PLB1: variants seen among roughly 807,000 people sequenced by gnomAD.
PLB1 encodes the protein phospholipase B1.
PLB1 carries 242 observed loss-of-function variants against 227.4 expected under a neutral mutation model. The ratio of observed to expected loss-of-function variants is 1.06; its 90% confidence interval spans 0.96 to 1.18. The LOEUF (loss-of-function observed/expected upper bound fraction) is 1.18. Among genes scored for constraint, PLB1 ranks in the 50% most tolerant of loss-of-function variants. PLB1 has a pLI of 0.00. For synonymous variants in PLB1, 757 were observed against 682.2 expected (o/e 1.11, Z -1.71); for missense variants, 1,858 against 1,816.3 (o/e 1.02, Z -0.42).
At chr2:28,635,924 T>C (rs1271795204) in intron 56 of PLB1, among the ~76,000 whole-genome samples, 1 of 152,242 alleles carries the variant, frequency 6.6e-6, no homozygotes, top group Non-Finnish European at 1.5e-5. Context: ...TCTTCAGACT[T>C]AGAGCTCTTA....
intron 11 of PLB1, among the ~76,000 whole-genome samples, chr2:28,540,132 T>A (rs569031933): frequency 1.1e-4 from 15 of 133,294 alleles, no homozygotes; most frequent in African/African-American, 3.6e-4. Context: ...CGTCCCTCCA[T>A]CCAATACCCA....
At chr2:28,626,536 C>T in intron 51 of PLB1, 28 bp downstream of exon 51, 1 of 1,597,214 alleles carries the variant, frequency 6.3e-7, no homozygotes, top group African/African-American at 1.3e-5. Context: ...CCCATGGGGA[C>T]CTGAGAAGGA....
intron 1 of PLB1, among the ~76,000 whole-genome samples, chr2:28,509,769 GA>G (rs1220927678): frequency 6.6e-6 from 1 of 152,194 alleles, no homozygotes; most frequent in Non-Finnish European, 1.5e-5. Flanking sequence ...TTCAAAAGGG[GA>G]GAGTTCCCTT....
chr2:28,587,751 G>A (rs1477845202), intron 26 of PLB1, among the ~76,000 whole-genome samples: 2 of 152,212 alleles, frequency 1.3e-5, no homozygotes, highest in African/African-American at 4.8e-5. Flanking sequence ...CACAGGCAAT[G>A]ATTGCTGAAG....
chr2:28,529,480 G>A, intron 7 of PLB1, 73 bp downstream of exon 7: 1 of 1,310,544 alleles, frequency 7.6e-7, no homozygotes. Context: ...GGGAGGATTT[G>A]GGGGGCTGGC....
Position 28,532,131 on chromosome 2 carries a change from G to C in PLB1, c.492G>C (p.Trp164Cys), listed in dbSNP as rs143216255. The C allele has an allele frequency of 9.3e-5, 150 of 1,612,020 alleles. No homozygotes were observed. Among genetic ancestry groups the C allele is most frequent in the Non-Finnish European group, 1.2e-4 (147 of 1,179,332 alleles). Reference protein sequence around the residue: ...ENLQLDFQFDWKLINVFFSNA... With the variant: ...ENLQLDFQFDCKLINVFFSNA... ...AGCAACTTGACTTTCAATTTGACTG[G>C]AAGCTCATCAATGTGTTCTTCAGTA... Residue 164 changes from tryptophan (W) to cysteine (C), a missense_variant, in exon 9 of 58, where the codon TGG becomes TGC. Coordinates refer to ENST00000327757, the MANE Select transcript of PLB1 (RefSeq NM_153021.5).
intron 23 of PLB1, among the ~76,000 whole-genome samples, chr2:28,581,513 A>G (rs1679995130): frequency 7.0e-6 from 1 of 143,798 alleles, no homozygotes; most frequent in Non-Finnish European, 1.5e-5. Context: ...AAATAAATAA[A>G]TAAATAAATA....
At chr2:28,538,200 T>C in intron 9 of PLB1, 119 bp from the exon 10 acceptor site, 1 of 1,166,100 alleles carries the variant, frequency 8.6e-7, no homozygotes, top group Non-Finnish European at 1.3e-6. Context: ...ATGCCAGGTC[T>C]AGATGGTGCC....
intron 1 of PLB1, 71 bp from the exon 2 acceptor site, chr2:28,516,737 C>A: frequency 1.5e-6 from 2 of 1,372,726 alleles, no homozygotes; most frequent in South Asian, 1.2e-5. Flanking sequence ...GGAGGAAGGG[C>A]ATGAAAGCTA....
At chr2:28,621,886 C>T (rs910567481) in intron 49 of PLB1, among the ~76,000 whole-genome samples, 22 of 151,038 alleles carry the variant, frequency 1.5e-4, no homozygotes, top group Non-Finnish European at 2.4e-4. Flanking sequence ...TTTTGTTGTT[C>T]TTGTACAGTA....
chr2:28,505,210 A>G (rs1667520058), intron 1 of PLB1, among the ~76,000 whole-genome samples: 2 of 152,226 alleles, frequency 1.3e-5, no homozygotes, highest in African/African-American at 2.4e-5. Context: ...GCTAATTAGT[A>G]CAGGAAGCTG....
intron 25 of PLB1, among the ~76,000 whole-genome samples, chr2:28,584,046 C>T (rs1680506424): frequency 6.6e-6 from 1 of 152,080 alleles, no homozygotes; most frequent in Admixed American, 6.6e-5. Context: ...GACTGTGCTC[C>T]CCTACCCTGC....
At chr2:28,551,018 C>G (rs984854709) in intron 16 of PLB1, among the ~76,000 whole-genome samples, 1 of 152,214 alleles carries the variant, frequency 6.6e-6, no homozygotes, top group African/African-American at 2.4e-5. Flanking sequence ...GAGCTGCCTC[C>G]GCAACCAGCA....
At chr2:28,537,054 G>A (rs776335725) in intron 9 of PLB1, among the ~76,000 whole-genome samples, 2 of 152,160 alleles carry the variant, frequency 1.3e-5, no homozygotes, top group African/African-American at 2.4e-5. Context: ...TTGATGTCAC[G>A]GTCAGGGAGC....
intron 43 of PLB1, among the ~76,000 whole-genome samples, chr2:28,611,660 C>T (rs1436676689): frequency 1.3e-5 from 2 of 152,196 alleles, no homozygotes; most frequent in East Asian, 3.8e-4. Flanking sequence ...CAGCATGGGT[C>T]ACTTGTTTAT....
intron 43 of PLB1, among the ~76,000 whole-genome samples, chr2:28,611,482 G>A (rs1005497871): frequency 6.6e-5 from 10 of 151,992 alleles, no homozygotes; most frequent in Non-Finnish European, 1.2e-4. Flanking sequence ...TCCAAATCTT[G>A]CCTCAGTTCC....
Position 28,643,948 on chromosome 2 carries a change from C to G in PLB1, c.*887C>G, listed in dbSNP as rs998940396. Reference sequence around the variant, plus strand: ...TAGGGGCGAGGCCCCGTGCTGGAGGCCTTCCACAGATGGTCTCTTTTATGC... The same window carrying G: ...TAGGGGCGAGGCCCCGTGCTGGAGGGCTTCCACAGATGGTCTCTTTTATGC... On this transcript the variant is annotated 3_prime_UTR_variant, in exon 58 of 58. Transcript: ENST00000327757. Among the ~76,000 whole-genome samples the G allele has an allele frequency of 2.0e-5, 3 of 152,200 alleles. No homozygotes were observed. Among genetic ancestry groups the G allele is most frequent in the Non-Finnish European group, 4.4e-5 (3 of 68,040 alleles).
rs749399955 is a variant in PLB1 at position 28,569,748 on chromosome 2, G to A, written c.1324+2909G>A. On this transcript the variant is annotated intron_variant, in intron 20 of 57. Transcript: ENST00000327757. ...TGGGAGGCCGAGGCAGGCGGATCAC[G>A]AGGTCCAGGAGATCGAGACCATCCT... Among the ~76,000 whole-genome samples the A allele has an allele frequency of 3.3e-5, 5 of 151,708 alleles. 1 individual carries two copies. Among genetic ancestry groups the A allele is most frequent in the Admixed American group, 1.3e-4 (2 of 15,220 alleles).
chr2:28,560,682 A>G (rs1222590465), intron 17 of PLB1, among the ~76,000 whole-genome samples: 1 of 152,214 alleles, frequency 6.6e-6, no homozygotes, highest in African/African-American at 2.4e-5. Context: ...ATGCTACAAC[A>G]TAATTGAACC....
Sources: allele counts gnomAD v4.1 joint callset (sites outside exome capture counted in the v4.1 genomes callset), GRCh38; gene constraint gnomAD v4.1.1; transcripts MANE v1.5; gene names NCBI Gene and HGNC (gene_info 2026-07-23, HGNC 2026-07-21).